The following ARL15 variants were observed in gnomAD, a reference collection of about 807,000 sequenced individuals.
ARL15 encodes the protein ADP-ribosylation factor-like protein 15.
Under a neutral mutation model 25.2 loss-of-function variants are expected in ARL15, and 19 were observed. The ratio of observed to expected loss-of-function variants is 0.75; its 90% CI spans 0.53 to 1.10. The LOEUF is 1.10. Ranked by LOEUF, ARL15 falls within the 50% of genes least tolerant of loss-of-function variation. The probability of loss-of-function intolerance (pLI) is 0.00; values close to 1 mark genes in which losing one functional copy is unlikely to be tolerated. For missense variants in ARL15, 220 were observed against 246.0 expected (o/e 0.89, Z 0.71); for synonymous variants, 94 against 86.8 (o/e 1.08, Z -0.46).
chr5:53,992,234 A>AT (rs754858814), intron 4 of ARL15, among the ~76,000 whole-genome samples: 1 of 152,174 alleles, frequency 6.6e-6, no homozygotes, highest in Non-Finnish European at 1.5e-5. Flanking sequence ...TTCCTCTAAA[A>AT]TTTAAAACAT....
chr5:54,051,400 C>G (rs999621420), intron 4 of ARL15, among the ~76,000 whole-genome samples: 1 of 152,310 alleles, frequency 6.6e-6, no homozygotes, highest in Admixed American at 6.5e-5. Flanking sequence ...GAAACTTTTT[C>G]TTCCTGTTCC....
In ARL15 at chr5:54,094,354, A is replaced by G. The variant is rs192111196; in HGVS notation, c.462+18848T>C. Among the ~76,000 whole-genome samples the G allele has an allele frequency of 3.7e-3, 569 of 152,236 alleles. 3 individuals are homozygous for G. Among genetic ancestry groups the G allele is most frequent in the African/African-American group, 0.013 (540 of 41,534 alleles). Reference sequence around the variant, plus strand: ...GTCAGAAGTACATGAATTCTGTTTTAAAACAACAATATTAAAGATTTTTGA... The same window carrying G: ...GTCAGAAGTACATGAATTCTGTTTTGAAACAACAATATTAAAGATTTTTGA... On this transcript the variant is annotated intron_variant, in intron 4 of 4. Transcript: ENST00000504924.
intron 4 of ARL15, among the ~76,000 whole-genome samples, chr5:54,093,123 C>T (rs545699914): frequency 1.3e-5 from 2 of 152,266 alleles, no homozygotes; most frequent in East Asian, 3.9e-4. Flanking sequence ...GTTAAAGATG[C>T]AGTGCTTCAC....
chr5:54,022,704 A>G (rs1391644335), intron 4 of ARL15, among the ~76,000 whole-genome samples: 1 of 152,088 alleles, frequency 6.6e-6, no homozygotes, highest in Admixed American at 6.6e-5. Context: ...TTCCACCATC[A>G]GGCCCTTTTT....
At chr5:54,253,545 GTTAATT>G (rs1439454299) in intron 1 of ARL15, among the ~76,000 whole-genome samples, 1 of 152,022 alleles carries the variant, frequency 6.6e-6, no homozygotes, top group Admixed American at 6.5e-5. Flanking sequence ...CTGGAAATAG[GTTAATT>G]TTAAAGTTAC....
intron 3 of ARL15, among the ~76,000 whole-genome samples, chr5:54,147,418 T>TA (rs1284355168): frequency 6.6e-6 from 1 of 152,224 alleles, no homozygotes; most frequent in Non-Finnish European, 1.5e-5. Context: ...TATTAAAACT[T>TA]ACATTTTACG....
chr5:53,933,090 T>C (rs1387332182), intron 4 of ARL15, among the ~76,000 whole-genome samples: 1 of 152,184 alleles, frequency 6.6e-6, no homozygotes, highest in Non-Finnish European at 1.5e-5. Context: ...ACAAAGCATC[T>C]CTGCTGTTCT....
chr5:54,021,495 G>A (rs1749598460), intron 4 of ARL15, among the ~76,000 whole-genome samples: 1 of 152,186 alleles, frequency 6.6e-6, no homozygotes, highest in Non-Finnish European at 1.5e-5. Context: ...AAAGCTCAGT[G>A]ATGGACTCAA....
At position 53,885,423 on chromosome 5, in the gene ARL15, T is replaced by C. The variant is rs1744493294; in HGVS notation, c.*1138A>G. 1 of 152,622 alleles carries C rather than the reference T, an allele frequency of 6.6e-6. No individual in the cohort carries two copies. The highest frequency in any genetic ancestry group is 6.5e-5 in the Admixed American group (1 of 15,282). The allele number at this position is 152,622 out of a possible 1,614,324, so 9.5% of individuals were successfully genotyped here. On this transcript the variant is annotated 3_prime_UTR_variant, in exon 5 of 5. Coordinates refer to ENST00000504924, the MANE Select transcript of ARL15 (RefSeq NM_019087.3). The stretch of plus-strand genomic sequence containing the variant: ...TGGAAAAAAAACTAGTTCCAAAGAC[T>C]GAATATGAGTCCCAATATTATTTAT...
At chr5:54,205,594 T>C (rs976953436) in intron 1 of ARL15, among the ~76,000 whole-genome samples, 12 of 152,180 alleles carry the variant, frequency 7.9e-5, no homozygotes, top group Non-Finnish European at 8.8e-5. Flanking sequence ...AGGGCTTTGT[T>C]AGTTAAACTA....
At chr5:54,145,784 GC>G (rs2112324441) in intron 3 of ARL15, among the ~76,000 whole-genome samples, 1 of 152,254 alleles carries the variant, frequency 6.6e-6, no homozygotes, top group Non-Finnish European at 1.5e-5. Flanking sequence ...CATTACTCTT[GC>G]ATCTTGGGTC....
At chr5:54,250,335 G>A (rs907100314) in intron 1 of ARL15, among the ~76,000 whole-genome samples, 2 of 152,150 alleles carry the variant, frequency 1.3e-5, no homozygotes, top group African/African-American at 4.8e-5. Flanking sequence ...TTCAACATGA[G>A]ACTTGGGGGG....
At chr5:54,281,191 G>A (rs1758055745) in intron 1 of ARL15, among the ~76,000 whole-genome samples, 1 of 152,154 alleles carries the variant, frequency 6.6e-6, no homozygotes, top group African/African-American at 2.4e-5. Context: ...CCAAGCTGGA[G>A]TGCAGTGGTA....
chr5:54,296,557 T>C (rs1758469888), intron 1 of ARL15, among the ~76,000 whole-genome samples: 1 of 152,218 alleles, frequency 6.6e-6, no homozygotes, highest in Admixed American at 6.5e-5. Context: ...GTTCTGGGCA[T>C]ATTAAGAGGC....
chr5:53,909,393 T>C (rs1391127114), intron 4 of ARL15, among the ~76,000 whole-genome samples: 1 of 152,192 alleles, frequency 6.6e-6, no homozygotes, highest in Non-Finnish European at 1.5e-5. Context: ...AGTTTTTGTA[T>C]TTTAAAAAAA....
intron 4 of ARL15, 84 bp downstream of exon 4, chr5:54,113,118 A>G (rs1579811558): frequency 7.5e-7 from 1 of 1,336,702 alleles, no homozygotes; most frequent in East Asian, 2.4e-5. Context: ...CACATTCCTA[A>G]TTACATGCAT....
intron 4 of ARL15, among the ~76,000 whole-genome samples, chr5:53,921,904 TTC>T (rs1312108133): frequency 2.0e-5 from 3 of 152,242 alleles, no homozygotes; most frequent in African/African-American, 7.2e-5. Flanking sequence ...CTATTCAGAT[TTC>T]TTTCCCTTTT....
intron 1 of ARL15, among the ~76,000 whole-genome samples, chr5:54,253,160 A>C (rs970192209): frequency 6.6e-6 from 1 of 152,212 alleles, no homozygotes; most frequent in African/African-American, 2.4e-5. Context: ...CTATAGGTAT[A>C]CGGCATTTTA....
chr5:54,152,279 C>T (rs1354000236), intron 3 of ARL15, among the ~76,000 whole-genome samples: 1 of 152,130 alleles, frequency 6.6e-6, no homozygotes, highest in African/African-American at 2.4e-5. Flanking sequence ...GCACATACAC[C>T]TTATTTTGGG....
Sources: allele counts gnomAD v4.1 joint callset (sites outside exome capture counted in the v4.1 genomes callset), GRCh38; gene constraint gnomAD v4.1.1; transcripts MANE v1.5; gene names NCBI Gene and HGNC (gene_info 2026-07-23, HGNC 2026-07-21).